Variants in CHFR observed in about 807,000 individuals in gnomAD.
The protein encoded by CHFR is checkpoint with forkhead and ring finger domains, also known as E3 ubiquitin-protein ligase CHFR.
In CHFR, 57 loss-of-function variants were observed where a neutral mutation model predicts 87.6. That is an observed-to-expected ratio of 0.65 (90% CI 0.53 to 0.81). The LOEUF is 0.81. Among genes scored for constraint, CHFR ranks in the 30% least tolerant of loss-of-function variants. The probability of loss-of-function intolerance (pLI) is 0.00; values close to 1 mark genes in which losing one functional copy is unlikely to be tolerated. For missense variants in CHFR, 797 were observed against 865.8 expected (o/e 0.92, Z 1.00); for synonymous variants, 381 against 359.2 (o/e 1.06, Z -0.69).
intron 2 of CHFR, among the ~76,000 whole-genome samples, chr12:132,878,017 T>C (rs1477983539): frequency 1.3e-5 from 2 of 152,060 alleles, no homozygotes; most frequent in Non-Finnish European, 2.9e-5. Context: ...TTAGCCAGGA[T>C]GGTCTCGATC....
At chr12:132,858,899 G>GCTCCACCCA (rs547701046) in intron 8 of CHFR, among the ~76,000 whole-genome samples, 169 bp downstream of exon 8, 2 of 151,358 alleles carry the variant, frequency 1.3e-5, no homozygotes, top group African/African-American at 4.9e-5. Flanking sequence ...GGCTGAGAAA[G>GCTCCACCCA]CTCCACCCAC....
At chr12:132,861,722 T>G in intron 6 of CHFR, 88 bp from the exon 7 acceptor site, 1 of 1,265,830 alleles carries the variant, frequency 7.9e-7, no homozygotes, top group Admixed American at 2.2e-5. Flanking sequence ...TGGAGCCCAG[T>G]GCAGCTGGCA....
intron 17 of CHFR, among the ~76,000 whole-genome samples, chr12:132,842,049 C>T (rs988761219): frequency 4.5e-5 from 6 of 132,474 alleles, no homozygotes; most frequent in Non-Finnish European, 9.5e-5. Flanking sequence ...GGCAGGGTTG[C>T]AATCAGCTGA....
intron 14 of CHFR, chr12:132,847,371 GTTCT>G: frequency 8.4e-7 from 1 of 1,190,470 alleles, no homozygotes; most frequent in Non-Finnish European, 1.1e-6. Flanking sequence ...TCTCTCAAAA[GTTCT>G]GCCAAGACCT....
chr12:132,869,599 C>G lies in CHFR; in HGVS notation c.583+20G>C, dbSNP rs1409267854. 3 of 1,549,934 alleles carry G rather than the reference C, an allele frequency of 1.9e-6. No individual in the cohort carries two copies. The highest frequency in any genetic ancestry group is 2.4e-5 in the South Asian group (2 of 84,022). The stretch of plus-strand genomic sequence containing the variant: ...AAAACCATGCAACCAGCACCAAGAC[C>G]TCATGAGATGTGACCTCACCACAAC... On this transcript the variant is annotated intron_variant, in intron 6 of 17. Transcript: ENST00000450056.
At position 132,835,400 on chromosome 12, in the gene CHFR, G is replaced by T. The variant is rs1431052783; in HGVS notation, c.*6154C>A. ...CAGACATGGAACACGTCATGAATTT[G>T]GGTGTCATGCCTGCACGTGGGCCAT... On this transcript the variant is annotated 3_prime_UTR_variant, in exon 18 of 18. Coordinates refer to ENST00000450056, the MANE Select transcript of CHFR (RefSeq NM_001161346.2). 1.3e-5 allele frequency: 2 copies of T among 152,524 alleles called. No homozygotes were observed. Among genetic ancestry groups the T allele is most frequent in the African/African-American group, 4.8e-5 (2 of 41,426 alleles). The allele number at this position is 152,524 out of a possible 1,614,324, so 9.4% of individuals were successfully genotyped here. A position where few individuals can be genotyped will look rare whatever the true frequency, so the allele number is the denominator to read the frequency against.
chr12:132,850,458 A>T lies in CHFR; in HGVS notation c.1492+1160T>A, dbSNP rs1593456833. Among the ~76,000 whole-genome samples, 4 of 152,230 alleles carry T rather than the reference A, an allele frequency of 2.6e-5. No homozygotes were observed. The East Asian group carries it at 7.7e-4, about 29-fold the overall frequency. ...GACCACCGCGTGTGTGAGACATGGG[A>T]CAAGCTGTTCTCTGTGGCTTCTCAC... On this transcript the variant is annotated intron_variant, in intron 12 of 17. Transcript: ENST00000450056.
At chr12:132,874,194 G>C (rs1485827635) in intron 3 of CHFR, among the ~76,000 whole-genome samples, 1 of 152,266 alleles carries the variant, frequency 6.6e-6, no homozygotes, top group Non-Finnish European at 1.5e-5. Flanking sequence ...GCAAATTTGT[G>C]TTTTTTAAAT....
chr12:132,885,797 T>A (rs1048205915), intron 2 of CHFR, among the ~76,000 whole-genome samples: 1 of 152,214 alleles, frequency 6.6e-6, no homozygotes, highest in Non-Finnish European at 1.5e-5. Flanking sequence ...CCCAGAGTAA[T>A]GTGTTGACAG....
rs1951207618 is a variant in CHFR at position 132,861,448 on chromosome 12, C to T, written c.751+19G>A. 6.2e-7 allele frequency: 1 copy of T among 1,612,354 alleles called. No homozygotes were observed. Among genetic ancestry groups the T allele is most frequent in the Non-Finnish European group, 8.5e-7 (1 of 1,178,628 alleles). ...GGAGCACACGAGAGGACTGAGGACA[C>T]ACACAACCAGACACTAACCTCCTCT... On this transcript the variant is annotated intron_variant, in intron 7 of 17. Transcript: ENST00000450056.
At position 132,851,772 on chromosome 12, in the gene CHFR, G is replaced by A. The variant is rs773507011; in HGVS notation, c.1373-35C>T. The A allele has an allele frequency of 3.8e-6, 6 of 1,589,396 alleles. No homozygotes were observed. The East Asian group carries it at 6.8e-5, about 18-fold the overall frequency. ...ACGCACATTCAGCCGGAGCACGTGG[G>A]ACCCAGGGCAGAAAGACAGCAGGTT... On this transcript the variant is annotated intron_variant, in intron 11 of 17. Coordinates refer to ENST00000450056, the MANE Select transcript of CHFR (RefSeq NM_001161346.2).
intron 6 of CHFR, 50 bp downstream of exon 6, chr12:132,869,569 G>A: frequency 6.6e-7 from 1 of 1,517,642 alleles, no homozygotes; most frequent in Non-Finnish European, 9.0e-7. Flanking sequence ...AAAGAGTAGT[G>A]AACAAAAACC....
intron 7 of CHFR, 143 bp from the exon 8 acceptor site, chr12:132,859,370 A>G: frequency 1.2e-6 from 1 of 826,782 alleles, no homozygotes; most frequent in Non-Finnish European, 1.9e-6. Context: ...TTTTTTTTCG[A>G]GACAGAGTCT....
At chr12:132,853,316 G>C (rs372547607) in intron 11 of CHFR, 115 bp downstream of exon 11, 6 of 1,153,040 alleles carry the variant, frequency 5.2e-6, no homozygotes, top group Middle Eastern at 2.9e-4. Context: ...GGGCCCAAAG[G>C]GGGCGAGCAG....
chr12:132,862,099 C>T (rs1207601620), intron 6 of CHFR, among the ~76,000 whole-genome samples: 1 of 151,278 alleles, frequency 6.6e-6, no homozygotes, highest in African/African-American at 2.4e-5. Context: ...ATGGTGAAAC[C>T]CCATCTCTAC....
At position 132,877,332 on chromosome 12, in the gene CHFR, C is replaced by T. The variant is rs1951651823; in HGVS notation, c.233+223G>A. ...CACCATCTAGGTTTGTTTAAGTATACTCCATGATGTTTGCAAGATGATCAA... is the reference window on the plus strand; with the variant it reads ...CACCATCTAGGTTTGTTTAAGTATATTCCATGATGTTTGCAAGATGATCAA... On this transcript the variant is annotated intron_variant, in intron 3 of 17. Coordinates refer to ENST00000450056, the MANE Select transcript of CHFR (RefSeq NM_001161346.2). Among the ~76,000 whole-genome samples, 4 of 152,134 alleles carry T rather than the reference C, an allele frequency of 2.6e-5. No individual in the cohort carries two copies. The South Asian group carries it at 8.3e-4, about 32-fold the overall frequency.
chr12:132,847,194 G>A (rs1566176680), intron 14 of CHFR, 64 bp from the exon 15 acceptor site: 8 of 1,599,878 alleles, frequency 5.0e-6, no homozygotes, highest in Admixed American at 1.7e-5. Context: ...CTGAAATAAC[G>A]AGAGAAAACA....
intron 5 of CHFR, 176 bp from the exon 6 acceptor site, chr12:132,869,974 C>T (rs1400494663): frequency 4.0e-5 from 28 of 701,094 alleles, no homozygotes; most frequent in South Asian, 2.6e-4. Context: ...TTTGGGAAGT[C>T]GAGGCAGGTG....
intron 14 of CHFR, 48 bp downstream of exon 14, chr12:132,848,037 A>G: frequency 1.2e-6 from 2 of 1,613,520 alleles, no homozygotes; most frequent in Non-Finnish European, 1.7e-6. Flanking sequence ...TGGCTGCACT[A>G]GGGAGAAAAT....
Sources: gnomAD v4.1 joint callset for allele counts (sites outside exome capture counted in the v4.1 genomes callset) on GRCh38, gnomAD v4.1.1 for gene constraint, MANE v1.5 for transcripts, NCBI Gene and HGNC (gene_info 2026-07-23, HGNC 2026-07-21) for gene names.